The following MCPH1 variants were observed in gnomAD, a reference collection of about 807,000 sequenced individuals.
The protein encoded by MCPH1 is microcephalin.
In MCPH1, 104 loss-of-function variants were observed where a neutral mutation model predicts 84.5. The ratio of observed to expected loss-of-function variants is 1.23; its 90% confidence interval spans 1.05 to 1.45. The LOEUF is 1.45. Ranked by LOEUF, MCPH1 falls within the 40% of genes most tolerant of loss-of-function variation. The probability of loss-of-function intolerance (pLI) is 0.00; values close to 1 mark genes in which losing one functional copy is unlikely to be tolerated. For missense variants in MCPH1, 1,498 were observed against 1,005.7 expected, an observed-to-expected ratio of 1.49 and a Z score of -6.62; for synonymous variants, 514 against 366.8, an observed-to-expected ratio of 1.40 and a Z score of -4.58.
At chr8:6,461,375 A>G (rs2979651) in intron 9 of MCPH1, among the ~76,000 whole-genome samples, 35,700 of 141,872 alleles carry the variant, frequency 0.25, 6,323 homozygotes, top group African/African-American at 0.5. Context: ...GTCCAGGCTG[A>G]AGTGCAGTGG....
chr8:6,461,293 T>C lies in MCPH1; in HGVS notation c.1935+6041T>C, dbSNP rs2129557454. ...AAGAGTCTGTTTTTTTTTAGACTTA[T>C]TTTAAATATACTTGTTTCAAATTTG... On this transcript the variant is annotated intron_variant, in intron 9 of 13. Transcript: ENST00000344683. 2.6e-5 allele frequency among the ~76,000 whole-genome samples: 4 copies of C among 151,544 alleles called. No individual in the cohort carries two copies. In the South Asian group the frequency reaches 8.3e-4, roughly 32 times the overall value.
chr8:6,428,770 G>C (rs1455203178), intron 3 of MCPH1, among the ~76,000 whole-genome samples: 3 of 148,090 alleles, frequency 2.0e-5, no homozygotes, highest in Non-Finnish European at 3.0e-5. Context: ...CACACACACA[G>C]AAGAACTAAA....
At chr8:6,565,972 G>A (rs1385730693) in intron 12 of MCPH1, among the ~76,000 whole-genome samples, 1 of 152,170 alleles carries the variant, frequency 6.6e-6, no homozygotes. Flanking sequence ...TAGTAGAGCC[G>A]GAGTTGGCAA....
At chr8:6,535,728 A>G (rs1205151078) in intron 12 of MCPH1, among the ~76,000 whole-genome samples, 1 of 152,160 alleles carries the variant, frequency 6.6e-6, no homozygotes, top group Non-Finnish European at 1.5e-5. Context: ...AAAAATGTGC[A>G]GTAGTAGATA....
chr8:6,540,970 G>A (rs1273668282), intron 12 of MCPH1, among the ~76,000 whole-genome samples: 1 of 152,244 alleles, frequency 6.6e-6, no homozygotes, highest in Non-Finnish European at 1.5e-5. Flanking sequence ...CTGTCCCCAG[G>A]GGGCAGGTGG....
At chr8:6,472,442 C>G (rs2129558697) in intron 9 of MCPH1, among the ~76,000 whole-genome samples, 1 of 152,090 alleles carries the variant, frequency 6.6e-6, no homozygotes, top group South Asian at 2.1e-4. Flanking sequence ...CCAGGTATGT[C>G]TGGGGAATCT....
chr8:6,564,130 C>A (rs990297443), intron 12 of MCPH1, among the ~76,000 whole-genome samples: 14 of 152,020 alleles, frequency 9.2e-5, no homozygotes, highest in African/African-American at 2.9e-4. Flanking sequence ...TACAGGCAAA[C>A]GCCACCACAC....
intron 3 of MCPH1, among the ~76,000 whole-genome samples, chr8:6,416,948 C>T (rs1305483385): frequency 1.3e-5 from 2 of 151,460 alleles, no homozygotes; most frequent in Non-Finnish European, 2.9e-5. Flanking sequence ...GAACCAAGAC[C>T]ACGCCATTGC....
intron 13 of MCPH1, among the ~76,000 whole-genome samples, chr8:6,636,325 G>C (rs1313888781): frequency 1.4e-5 from 2 of 144,288 alleles, no homozygotes; most frequent in African/African-American, 5.2e-5. Flanking sequence ...GTGTGACAGA[G>C]AGACTGTCTC....
intron 4 of MCPH1, 131 bp from the exon 5 acceptor site, chr8:6,435,917 C>T (rs1210818019): frequency 1.9e-6 from 2 of 1,065,044 alleles, no homozygotes; most frequent in Non-Finnish European, 2.7e-6. Context: ...ACATACAGTG[C>T]AAGAAACACC....
chr8:6,443,393 C>T (rs888196899), intron 7 of MCPH1, among the ~76,000 whole-genome samples: 1 of 152,220 alleles, frequency 6.6e-6, no homozygotes, highest in Non-Finnish European at 1.5e-5. Flanking sequence ...GCCTTGAAGA[C>T]ACCTGGGGCA....
At chr8:6,631,094 C>G (rs1184222802) in intron 13 of MCPH1, among the ~76,000 whole-genome samples, 1 of 152,228 alleles carries the variant, frequency 6.6e-6, no homozygotes, top group Non-Finnish European at 1.5e-5. Flanking sequence ...AAGCCATCTT[C>G]AAGCCCGCAG....
chr8:6,462,357 A>G (rs1025668548), intron 9 of MCPH1, among the ~76,000 whole-genome samples: 3 of 152,234 alleles, frequency 2.0e-5, no homozygotes, highest in Admixed American at 6.5e-5. Context: ...ATATAGCATC[A>G]CAAACAAAAT....
chr8:6,506,778 CT>C (rs552063597), intron 12 of MCPH1, among the ~76,000 whole-genome samples: 724 of 127,698 alleles, frequency 5.7e-3, no homozygotes, highest in Middle Eastern at 8.3e-3. Flanking sequence ...CAGAGGATTG[CT>C]TTTTTTTTTT....
chr8:6,447,435 G>A (rs1216279653), intron 8 of MCPH1: 2 of 985,106 alleles, frequency 2.0e-6, no homozygotes, highest in Non-Finnish European at 2.4e-6. Flanking sequence ...ACTTGTTGCT[G>A]TTGTCAGTAT....
chr8:6,636,728 A>G (rs1460840911), intron 13 of MCPH1, among the ~76,000 whole-genome samples: 1 of 152,170 alleles, frequency 6.6e-6, no homozygotes, highest in Non-Finnish European at 1.5e-5. Context: ...ATGAAACATA[A>G]ATGAATTTTG....
At chr8:6,518,911 G>T (rs948440600) in intron 12 of MCPH1, among the ~76,000 whole-genome samples, 2 of 147,612 alleles carry the variant, frequency 1.4e-5, no homozygotes, top group African/African-American at 5.0e-5. Flanking sequence ...CTCCGGAAGG[G>T]TTTTTTTTTT....
intron 12 of MCPH1, among the ~76,000 whole-genome samples, chr8:6,549,420 C>T (rs1214841472): frequency 6.6e-6 from 1 of 152,180 alleles, no homozygotes; most frequent in Non-Finnish European, 1.5e-5. Flanking sequence ...GGTGACAGAG[C>T]AGAGTCAGGA....
chr8:6,444,985 T>G lies in MCPH1; in HGVS notation c.1263T>G (p.Leu421=). 6 of 1,614,190 alleles carry G rather than the reference T, an allele frequency of 3.7e-6. No individual in the cohort carries two copies. Among genetic ancestry groups the G allele is most frequent in the Non-Finnish European group, 5.1e-6 (6 of 1,180,040 alleles). ...ATGACTATTTTTCACCTGATAATCT[T>G]AAGGAAAGGTATTCAGAGAATCTTC... ...SYDDYFSPDN[L]KERYSENLPP... is the part of the protein sequence containing the mutation. The change falls in exon 8 of 14, where the codon CTT becomes CTG. Residue 421 remains leucine (L), a synonymous_variant. Coordinates refer to ENST00000344683, the MANE Select transcript of MCPH1 (RefSeq NM_024596.5).
Sources: gnomAD v4.1 joint callset for allele counts (sites outside exome capture counted in the v4.1 genomes callset) on GRCh38, gnomAD v4.1.1 for gene constraint, MANE v1.5 for transcripts, NCBI Gene and HGNC (gene_info 2026-07-23, HGNC 2026-07-21) for gene names.